Variants in CAPZA1 observed in about 807,000 individuals in gnomAD.
The protein encoded by CAPZA1 is capping actin protein of muscle Z-line subunit alpha 1.
In CAPZA1, 10 loss-of-function variants were observed where a neutral mutation model predicts 40.8. The ratio of observed to expected loss-of-function variants is 0.25; its 90% CI spans 0.15 to 0.42. The LOEUF (loss-of-function observed/expected upper bound fraction) is 0.42, where lower values mean the gene tolerates loss of function less well. CAPZA1 is among the 10% of genes least tolerant of loss of function. The probability of loss-of-function intolerance (pLI) is 1.00; values close to 1 mark genes in which losing one functional copy is unlikely to be tolerated. For synonymous variants in CAPZA1, 98 were observed against 115.0 expected (o/e 0.85, Z 0.95); for missense variants, 277 against 353.8 (o/e 0.78, Z 1.74).
rs139286080 is a variant in CAPZA1, at chr1:112,657,693, G to A, written c.427-1329G>A. ...TGCAACCTCCGCCTCTCAGGTTCAA[G>A]CGATTTTCCTGCCTCAGCCTCTCTA... On this transcript the variant is annotated intron_variant, in intron 5 of 9. Coordinates refer to ENST00000263168, the MANE Select transcript of CAPZA1 (RefSeq NM_006135.3). Among the ~76,000 whole-genome samples the A allele has an allele frequency of 4.4e-3, 676 of 152,176 alleles. 1 individual carries two copies. Among genetic ancestry groups the A allele is most frequent in the African/African-American group, 0.016 (644 of 41,522 alleles).
intron 7 of CAPZA1, among the ~76,000 whole-genome samples, chr1:112,660,759 A>T (rs1458580849): frequency 6.6e-6 from 1 of 151,956 alleles, no homozygotes; most frequent in African/African-American, 2.4e-5. Flanking sequence ...AGGTACAGGT[A>T]ACCGAGAAGA....
Position 112,654,663 on chromosome 1 carries a change from T to C in CAPZA1, c.418T>C (p.Phe140Leu). ...TGTGAAAGACCATTATTCCAACGGC[T>C]TCTGTACTGTTAAGTATCTGACTGC... Reference protein sequence around the residue: ...AYVKDHYSNGFCTVYAKTIDG... With the variant: ...AYVKDHYSNGLCTVYAKTIDG... Residue 140 changes from phenylalanine (F) to leucine (L), a missense_variant, in exon 5 of 10, where the codon TTC becomes CTC. By Grantham distance (22) the Phe-to-Leu change is conservative. Around this residue, in one of 2 missense-constraint regions of CAPZA1, gnomAD observed 192 missense variants for 277.2 expected, o/e 0.69. Transcript: ENST00000263168. 6.2e-7 allele frequency: 1 copy of C among 1,604,596 alleles called. No homozygotes were observed. Among genetic ancestry groups the C allele is most frequent in the Non-Finnish European group, 8.5e-7 (1 of 1,173,926 alleles).
intron 1 of CAPZA1, among the ~76,000 whole-genome samples, chr1:112,628,709 G>A (rs1229781136): frequency 6.6e-6 from 1 of 152,212 alleles, no homozygotes; most frequent in Non-Finnish European, 1.5e-5. Context: ...GACTGGTTAT[G>A]TGTCAAAATT....
Position 112,656,109 on chromosome 1 carries a change from A to G in CAPZA1, c.426+1438A>G, listed in dbSNP as rs190970889. 1.1e-3 allele frequency among the ~76,000 whole-genome samples: 174 copies of G among 152,298 alleles called. 2 individuals are homozygous for G. The highest frequency in any genetic ancestry group is 0.011 in the Admixed American group (166 of 15,296). On this transcript the variant is annotated intron_variant, in intron 5 of 9. Transcript: ENST00000263168. The stretch of plus-strand genomic sequence containing the variant: ...TTTTTTTGTTGTGGGAAAATCAGCA[A>G]TTTTCACTAGAATATTTTAAATATA...
intron 8 of CAPZA1, 133 bp downstream of exon 8, chr1:112,667,278 G>A: frequency 1.6e-6 from 1 of 623,204 alleles, no homozygotes; most frequent in Non-Finnish European, 2.9e-6. Flanking sequence ...GGCCACTTCT[G>A]TTAGTGCCTC....
chr1:112,625,253 AATAG>A (rs1670783322), intron 1 of CAPZA1, among the ~76,000 whole-genome samples: 2 of 152,156 alleles, frequency 1.3e-5, no homozygotes. Context: ...GCATCTTCCT[AATAG>A]ATCCCATAAA....
intron 1 of CAPZA1, among the ~76,000 whole-genome samples, chr1:112,641,092 C>T (rs934930797): frequency 4.6e-5 from 7 of 151,654 alleles, no homozygotes; most frequent in African/African-American, 7.3e-5. Flanking sequence ...TGCGGAAGGC[C>T]GCAGGGTCCT....
Position 112,671,363 on chromosome 1 carries a change from A to G in CAPZA1, c.*1231A>G, listed in dbSNP as rs909425644. On this transcript the variant is annotated 3_prime_UTR_variant, in exon 10 of 10. Transcript: ENST00000263168. The stretch of plus-strand genomic sequence containing the variant: ...GCCTTAAGGGAAGGTCAGTTTTTTA[A>G]AAAACCAAGTAGTGTCTTCCTACCT... The G allele has an allele frequency of 2.0e-5, 3 of 152,616 alleles. No homozygotes were observed. The highest frequency in any genetic ancestry group is 2.1e-4 in the South Asian group (1 of 4,828). The allele number at this position is 152,616 out of a possible 1,614,324, so 9.5% of individuals were successfully genotyped here.
chr1:112,631,190 C>T (rs559947590), intron 1 of CAPZA1, among the ~76,000 whole-genome samples: 2 of 152,322 alleles, frequency 1.3e-5, no homozygotes, highest in Admixed American at 1.3e-4. Context: ...TTGTCTTTAT[C>T]TTTAGTATTC....
intron 1 of CAPZA1, among the ~76,000 whole-genome samples, chr1:112,639,851 T>A (rs1199855513): frequency 6.9e-6 from 1 of 144,654 alleles, no homozygotes; most frequent in East Asian, 2.3e-4. Flanking sequence ...AGCCGCCCCG[T>A]CCGGGAGGGA....
chr1:112,662,644 T>C (rs1475754018), intron 7 of CAPZA1, among the ~76,000 whole-genome samples: 1 of 151,934 alleles, frequency 6.6e-6, no homozygotes, highest in African/African-American at 2.4e-5. Flanking sequence ...GTGATCCGCC[T>C]CCCTCAGCTT....
At chr1:112,634,765 T>G (rs927071308) in intron 1 of CAPZA1, 1 of 152,210 alleles carries the variant, frequency 6.6e-6, no homozygotes, top group Non-Finnish European at 1.5e-5. Flanking sequence ...ACACAAATTC[T>G]AAAAGAGCTG....
intron 1 of CAPZA1, among the ~76,000 whole-genome samples, chr1:112,638,311 AC>A (rs1224100833): frequency 5.9e-5 from 9 of 152,108 alleles, no homozygotes; most frequent in Admixed American, 5.2e-4. Context: ...CATGGAACAG[AC>A]TTTAGATTTA....
chr1:112,638,872 C>T (rs979083841), intron 1 of CAPZA1, among the ~76,000 whole-genome samples: 12 of 143,300 alleles, frequency 8.4e-5, no homozygotes, highest in African/African-American at 2.3e-4. Context: ...CACTGCACTC[C>T]GGCCTGGGCA....
intron 1 of CAPZA1, among the ~76,000 whole-genome samples, chr1:112,631,762 G>C (rs1002972410): frequency 6.6e-6 from 1 of 152,030 alleles, no homozygotes; most frequent in Admixed American, 6.6e-5. Flanking sequence ...GCAACCTCCG[G>C]ACCAGAATAG....
intron 1 of CAPZA1, among the ~76,000 whole-genome samples, chr1:112,637,589 A>G (rs1022319263): frequency 2.0e-4 from 30 of 152,242 alleles, no homozygotes; most frequent in Admixed American, 1.3e-4. Context: ...CTTGGACTAC[A>G]GGCATGTGCC....
intron 1 of CAPZA1, among the ~76,000 whole-genome samples, chr1:112,626,915 G>T (rs1383951737): frequency 6.6e-6 from 1 of 152,226 alleles, no homozygotes; most frequent in East Asian, 1.9e-4. Context: ...ACAGCATAAT[G>T]GCAGACTGTA....
intron 1 of CAPZA1, among the ~76,000 whole-genome samples, chr1:112,621,808 G>A (rs1279022048): frequency 2.0e-5 from 3 of 149,186 alleles, no homozygotes; most frequent in African/African-American, 7.4e-5. Context: ...GTCACCCGGG[G>A]TGGTGTGCAG....
intron 4 of CAPZA1, among the ~76,000 whole-genome samples, chr1:112,653,954 T>C (rs1376306769): frequency 6.6e-6 from 1 of 152,212 alleles, no homozygotes; most frequent in Non-Finnish European, 1.5e-5. Flanking sequence ...AGACATTATA[T>C]TTAATGGAAA....
Sources: gnomAD v4.1 joint callset for allele counts (sites outside exome capture counted in the v4.1 genomes callset) on GRCh38, gnomAD v4.1.1 for gene constraint, gnomAD v4.1.1 regional missense constraint, MANE v1.5 for transcripts, NCBI Gene and HGNC (gene_info 2026-07-23, HGNC 2026-07-21) for gene names.